The following FAM83F variants were observed in gnomAD, a reference collection of about 807,000 sequenced individuals.
FAM83F encodes scaffolding CK1 anchoring protein F.
In FAM83F, 45 loss-of-function variants were observed where a neutral mutation model predicts 42.9. That is an observed-to-expected ratio of 1.05 (90% CI 0.83 to 1.35). The LOEUF (loss-of-function observed/expected upper bound fraction) is 1.35, where lower values mean the gene tolerates loss of function less well. Ranked by LOEUF, FAM83F falls within the 40% of genes most tolerant of loss-of-function variation. The probability of loss-of-function intolerance (pLI) is 0.00; values close to 1 mark genes in which losing one functional copy is unlikely to be tolerated. For synonymous variants in FAM83F, 306 were observed against 298.3 expected, an observed-to-expected ratio of 1.03 and a Z score of -0.27; for missense variants, 617 against 695.9, an observed-to-expected ratio of 0.89 and a Z score of 1.28.
chr22:40,010,176 C>A (rs1261280380), intron 1 of FAM83F: 1 of 152,210 alleles, frequency 6.6e-6, no homozygotes, highest in Non-Finnish European at 1.5e-5. Context: ...GATTTCCTCC[C>A]CCAACAAAAT....
chr22:40,041,603 A>C lies in FAM83F; in HGVS notation c.*12038A>C, dbSNP rs2067650582. 6.6e-6 allele frequency: 1 copy of C among 152,144 alleles called. No homozygotes were observed. The highest frequency in any genetic ancestry group is 1.9e-4 in the East Asian group (1 of 5,176). The allele number at this position is 152,144 out of a possible 1,614,324, so 9.4% of individuals were successfully genotyped here. A position where few individuals can be genotyped will look rare whatever the true frequency, so the allele number is the denominator to read the frequency against. ...AGATTGGCTTCCTTCCTATAAGTAT[A>C]GAAAGCGAGGGCAGGTTCCATCCAA... On this transcript the variant is annotated 3_prime_UTR_variant, in exon 5 of 5. Coordinates refer to ENST00000333407, the MANE Select transcript of FAM83F (RefSeq NM_138435.4).
chr22:40,018,532 G>A (rs1301498399), intron 1 of FAM83F, among the ~76,000 whole-genome samples: 1 of 152,066 alleles, frequency 6.6e-6, no homozygotes, highest in Non-Finnish European at 1.5e-5. Flanking sequence ...TCCATCTCCT[G>A]GGTTCAAGTA....
intron 3 of FAM83F, 22 bp downstream of exon 3, chr22:40,020,030 AAGGGCCC>A (rs759438530): frequency 6.2e-7 from 1 of 1,604,300 alleles, no homozygotes; most frequent in South Asian, 1.1e-5. Context: ...CGGATCAAAG[AAGGGCCC>A]AGGAGGCCTT....
At chr22:40,004,064 C>T (rs530280760) in intron 1 of FAM83F, among the ~76,000 whole-genome samples, 10 of 152,150 alleles carry the variant, frequency 6.6e-5, no homozygotes, top group Admixed American at 6.5e-4. Context: ...CTTGCATTTG[C>T]TCATTCACTC....
chr22:40,000,691 T>C (rs936600573), intron 1 of FAM83F, among the ~76,000 whole-genome samples: 2 of 152,206 alleles, frequency 1.3e-5, no homozygotes, highest in Non-Finnish European at 2.9e-5. Context: ...ATACATTCAT[T>C]AGTCACCTCA....
At chr22:39,999,443 C>T (rs78506624) in intron 1 of FAM83F, among the ~76,000 whole-genome samples, 3,427 of 152,294 alleles carry the variant, frequency 0.023, 134 homozygotes, top group African/African-American at 0.077. Flanking sequence ...CCTTGACCCC[C>T]GCATTCCTGG....
Position 40,023,311 on chromosome 22 carries a change from C to A in FAM83F, c.1453+1348C>A, listed in dbSNP as rs1323898237. On this transcript the variant is annotated intron_variant, in intron 4 of 4. Transcript: ENST00000333407. This position sits in a 1 kb window ranked among gnomAD's most constrained non-coding sequence, Gnocchi z 4.1. ...CAGGGGAGGGGTGGCTGGCCCCATCCCCATTCCTCCTGGGCTCCCTGGCTC... is the reference window on the plus strand; with the variant it reads ...CAGGGGAGGGGTGGCTGGCCCCATCACCATTCCTCCTGGGCTCCCTGGCTC... 6.6e-6 allele frequency among the ~76,000 whole-genome samples: 1 copy of A among 152,106 alleles called. No homozygotes were observed. Among genetic ancestry groups the A allele is most frequent in the Non-Finnish European group, 1.5e-5 (1 of 68,026 alleles).
intron 4 of FAM83F, among the ~76,000 whole-genome samples, chr22:40,026,938 C>G (rs1307885135): frequency 6.6e-6 from 1 of 152,180 alleles, no homozygotes; most frequent in African/African-American, 2.4e-5. Flanking sequence ...ACTGTTGTTA[C>G]TAGGATTGTG....
Position 40,021,278 on chromosome 22 carries a change from C to A in FAM83F, c.780-12C>A, listed in dbSNP as rs762647909. 9.3e-5 allele frequency: 142 copies of A among 1,527,256 alleles called. 1 individual carries two copies. Among genetic ancestry groups the A allele is most frequent in the Non-Finnish European group, 1.2e-4 (132 of 1,132,934 alleles). The allele number at this position is 1,527,256 out of a possible 1,614,324, so 94.6% of individuals were successfully genotyped here. The stretch of plus-strand genomic sequence containing the variant: ...GCACATGTGTCTTGCTTTTCTGTCC[C>A]CACGTTCCCAGGTTCACCTGGAGTT... On this transcript the variant is annotated splice_polypyrimidine_tract_variant and intron_variant, in intron 3 of 4. Transcript: ENST00000333407. The surrounding 1 kb of genome is among the most constrained non-coding windows in gnomAD (Gnocchi z 8.7).
chr22:40,009,542 GC>G (rs1177036203), intron 1 of FAM83F: 2 of 152,830 alleles, frequency 1.3e-5, no homozygotes, highest in Non-Finnish European at 2.9e-5. Flanking sequence ...CCGAGCTGGG[GC>G]GGTACCAGTG....
intron 1 of FAM83F, among the ~76,000 whole-genome samples, chr22:40,007,215 G>A (rs748986600): frequency 9.5e-4 from 133 of 139,998 alleles, no homozygotes; most frequent in Non-Finnish European, 1.9e-3. Context: ...CAGCTGTGCA[G>A]CCTCCTCTCC....
chr22:40,003,367 A>C (rs1601762426), intron 1 of FAM83F, among the ~76,000 whole-genome samples: 1 of 150,314 alleles, frequency 6.7e-6, no homozygotes, highest in Non-Finnish European at 1.5e-5. Context: ...CCATCTTCTC[A>C]CCCCCAGGGA....
rs779955287 is a variant in FAM83F, at chr22:40,021,907, A to G, written c.1397A>G (p.Glu466Gly). 2 of 1,589,272 alleles carry G rather than the reference A, an allele frequency of 1.3e-6. No homozygotes were observed. The highest frequency in any genetic ancestry group is 2.2e-5 in the South Asian group (2 of 90,470). ...MASSVSTETS[E>G]VEFLTGKRPN... ...AGCTCTGTCTCCACCGAGACCTCTG[A>G]AGTGGAGTTTCTGACGGGGAAGAGG... The change falls in exon 4 of 5, where the codon GAA becomes GGA. Residue 466 changes from glutamate to glycine, a missense_variant. Transcript: ENST00000333407. This position sits in a 1 kb window ranked among gnomAD's most constrained non-coding sequence, Gnocchi z 8.7.
intron 2 of FAM83F, 70 bp downstream of exon 2, chr22:40,019,405 G>T: frequency 6.9e-7 from 1 of 1,444,718 alleles, no homozygotes; most frequent in East Asian, 2.3e-5. Context: ...CCGTCCTGCA[G>T]CTCCCCCCTG....
intron 1 of FAM83F, among the ~76,000 whole-genome samples, chr22:39,999,859 G>A (rs551092677): frequency 1.3e-5 from 2 of 152,316 alleles, no homozygotes; most frequent in East Asian, 1.9e-4. Flanking sequence ...TCTGCCTGTC[G>A]ATGGGTTTGT....
At position 40,023,125 on chromosome 22, in the gene FAM83F, G is replaced by A. The variant is rs1041351528; in HGVS notation, c.1453+1162G>A. Reference sequence around the variant, plus strand: ...CGTTGACTGAGCTGCTGGCTTGCCAGGTCCTGCACAGGCACTCTCTCTCCC... The same window carrying A: ...CGTTGACTGAGCTGCTGGCTTGCCAAGTCCTGCACAGGCACTCTCTCTCCC... On this transcript the variant is annotated intron_variant, in intron 4 of 4. Transcript: ENST00000333407. The surrounding 1 kb of genome is among the most constrained non-coding windows in gnomAD (Gnocchi z 4.1). 2.6e-5 allele frequency among the ~76,000 whole-genome samples: 4 copies of A among 152,212 alleles called. No individual in the cohort carries two copies. The highest frequency in any genetic ancestry group is 5.9e-5 in the Non-Finnish European group (4 of 68,038).
In FAM83F at chr22:40,040,137, G is replaced by T. The variant is rs1489661942; in HGVS notation, c.*10572G>T. Reference sequence around the variant, plus strand: ...TATTTCTTTCCTTGAGTTTATAGGGGGTAAAGAGGATGGGGCTGAGATACT... The same window carrying T: ...TATTTCTTTCCTTGAGTTTATAGGGTGTAAAGAGGATGGGGCTGAGATACT... On this transcript the variant is annotated 3_prime_UTR_variant, in exon 5 of 5. Coordinates refer to ENST00000333407, the MANE Select transcript of FAM83F (RefSeq NM_138435.4). The T allele has an allele frequency of 6.6e-6, 1 of 152,172 alleles. No homozygotes were observed. Among genetic ancestry groups the T allele is most frequent in the Non-Finnish European group, 1.5e-5 (1 of 68,068 alleles). 9.4% of individuals were successfully genotyped at this position (152,172 alleles called of 1,614,324 possible).
intron 1 of FAM83F, chr22:39,997,855 C>T (rs1358613442): frequency 6.6e-6 from 1 of 152,256 alleles, no homozygotes. Flanking sequence ...GTATCAGGAC[C>T]TCCGGGTCCC....
intron 1 of FAM83F, among the ~76,000 whole-genome samples, chr22:40,010,871 G>A (rs1287127329): frequency 2.0e-5 from 3 of 152,186 alleles, no homozygotes; most frequent in Non-Finnish European, 4.4e-5. Context: ...CAAACCCTCC[G>A]TATCCAGCCC....
Sources: gnomAD v4.1 joint callset for allele counts (sites outside exome capture counted in the v4.1 genomes callset) on GRCh38, gnomAD v4.1.1 for gene constraint, Gnocchi (gnomAD v3.1) non-coding constraint, MANE v1.5 for transcripts, NCBI Gene and HGNC (gene_info 2026-07-23, HGNC 2026-07-21) for gene names.